NAALADL2: variants seen among roughly 807,000 people sequenced by gnomAD.
NAALADL2 encodes inactive N-acetylated-alpha-linked acidic dipeptidase-like protein 2.
In NAALADL2, 76 loss-of-function variants were observed where a neutral mutation model predicts 87.2. The observed-to-expected ratio is 0.87, with a 90% CI of 0.72 to 1.05. The LOEUF (loss-of-function observed/expected upper bound fraction) is 1.05, where lower values mean the gene tolerates loss of function less well. Ranked by LOEUF, NAALADL2 falls within the 50% of genes least tolerant of loss-of-function variation. NAALADL2 has a pLI of 0.00. For missense variants in NAALADL2, 1,089 were observed against 945.8 expected, an observed-to-expected ratio of 1.15 and a Z score of -1.99; for synonymous variants, 354 against 331.0, an observed-to-expected ratio of 1.07 and a Z score of -0.75.
At chr3:174,981,298 C>T (rs909691139) in intron 1 of NAALADL2, among the ~76,000 whole-genome samples, 15 of 152,126 alleles carry the variant, frequency 9.9e-5, no homozygotes, top group South Asian at 2.1e-4. Flanking sequence ...ATTATAAATA[C>T]GGACATACTC....
At chr3:174,926,153 G>C (rs995542696) in intron 1 of NAALADL2, among the ~76,000 whole-genome samples, 1 of 151,984 alleles carries the variant, frequency 6.6e-6, no homozygotes, top group East Asian at 1.9e-4. Context: ...GAGAAGTTTA[G>C]AGAAAAAAAG....
At chr3:175,233,582 C>T (rs1437266663) in intron 2 of NAALADL2, among the ~76,000 whole-genome samples, 1 of 152,088 alleles carries the variant, frequency 6.6e-6, no homozygotes, top group Non-Finnish European at 1.5e-5. Context: ...GGTGGGACCA[C>T]AGATGCATAC....
intron 1 of NAALADL2, among the ~76,000 whole-genome samples, chr3:174,890,850 C>A (rs1047229883): frequency 1.3e-5 from 2 of 152,108 alleles, no homozygotes; most frequent in East Asian, 1.9e-4. Flanking sequence ...ATATTGATTT[C>A]TTTATTTGTG....
chr3:175,475,195 T>C (rs1425127891), intron 9 of NAALADL2, among the ~76,000 whole-genome samples: 2 of 152,068 alleles, frequency 1.3e-5, no homozygotes, highest in Non-Finnish European at 2.9e-5. Context: ...TAAGACCTAA[T>C]TTCTTGGGGG....
chr3:175,500,246 C>T lies in NAALADL2; in HGVS notation c.1653+28488C>T, dbSNP rs1003989731. Among the ~76,000 whole-genome samples the T allele has an allele frequency of 2.0e-5, 3 of 151,908 alleles. No individual in the cohort carries two copies. The East Asian group carries it at 5.8e-4, about 29-fold the overall frequency. ...TGCCATTAGTGAAGTCTAGATAATC[C>T]AGAATGAGGTATTTTGCAGGGGAGG... On this transcript the variant is annotated intron_variant, in intron 9 of 13. Coordinates refer to ENST00000454872, the MANE Select transcript of NAALADL2 (RefSeq NM_207015.3).
intron 4 of NAALADL2, among the ~76,000 whole-genome samples, chr3:175,308,274 A>C (rs572406476): frequency 6.6e-6 from 1 of 152,244 alleles, no homozygotes; most frequent in Admixed American, 6.5e-5. Flanking sequence ...TTTGCTCAAT[A>C]TCTCTCTAAT....
chr3:175,108,991 G>T (rs1182327312), intron 2 of NAALADL2, among the ~76,000 whole-genome samples: 2 of 151,696 alleles, frequency 1.3e-5, no homozygotes, highest in African/African-American at 4.8e-5. Context: ...TTGCTGCTGG[G>T]TATAACATGT....
chr3:175,218,152 A>G (rs1046597045), intron 2 of NAALADL2: 1 of 438,638 alleles, frequency 2.3e-6, no homozygotes, highest in African/African-American at 2.0e-5. Flanking sequence ...ATAAGCCAAT[A>G]TCTCTAAGAA....
intron 11 of NAALADL2, among the ~76,000 whole-genome samples, chr3:175,682,346 C>G (rs1314430804): frequency 6.6e-6 from 1 of 151,604 alleles, no homozygotes; most frequent in Non-Finnish European, 1.5e-5. Flanking sequence ...TACTTTAAAA[C>G]TTGGGAATAA....
At chr3:174,688,107 A>C (rs1486258153) in intron 2 of NAALADL2, among the ~76,000 whole-genome samples, 1 of 152,156 alleles carries the variant, frequency 6.6e-6, no homozygotes, top group African/African-American at 2.4e-5. Context: ...TAATTTGTAA[A>C]ATTCCTGAAA....
chr3:175,216,863 TA>T (rs1276159505), intron 2 of NAALADL2, among the ~76,000 whole-genome samples: 3 of 151,998 alleles, frequency 2.0e-5, no homozygotes, highest in African/African-American at 4.8e-5. Context: ...GAGATGGTGT[TA>T]AACCATGTTG....
intron 3 of NAALADL2, among the ~76,000 whole-genome samples, chr3:174,789,993 A>G (rs1181571501): frequency 6.6e-6 from 1 of 152,178 alleles, no homozygotes; most frequent in Non-Finnish European, 1.5e-5. Context: ...TCTGTAGCAT[A>G]AGTAAGCCTG....
chr3:174,484,063 T>C (rs1717716529), intron 1 of NAALADL2, among the ~76,000 whole-genome samples: 1 of 152,084 alleles, frequency 6.6e-6, no homozygotes, highest in Non-Finnish European at 1.5e-5. Flanking sequence ...AGAGTAACGA[T>C]TGTCACAGAC....
At chr3:175,158,726 G>A (rs946271909) in intron 2 of NAALADL2, among the ~76,000 whole-genome samples, 4 of 151,834 alleles carry the variant, frequency 2.6e-5, no homozygotes, top group African/African-American at 9.7e-5. Context: ...AGATTTTTCT[G>A]CCAAGAAAAA....
chr3:175,399,325 T>C (rs1291279777), intron 5 of NAALADL2, among the ~76,000 whole-genome samples: 2 of 152,034 alleles, frequency 1.3e-5, no homozygotes, highest in African/African-American at 4.8e-5. Flanking sequence ...ACCTGAAGCA[T>C]GTAGAGGCTA....
At chr3:175,520,135 A>C (rs1025069799) in intron 9 of NAALADL2, among the ~76,000 whole-genome samples, 2 of 152,222 alleles carry the variant, frequency 1.3e-5, no homozygotes, top group Non-Finnish European at 2.9e-5. Flanking sequence ...CTAAATATGA[A>C]ACAACAATGC....
At chr3:174,881,840 A>G (rs1271354292) in intron 1 of NAALADL2, among the ~76,000 whole-genome samples, 2 of 152,162 alleles carry the variant, frequency 1.3e-5, no homozygotes, top group Admixed American at 6.6e-5. Flanking sequence ...AGAGAAATGC[A>G]ATTTCAAAGA....
At chr3:174,992,572 T>C (rs548113937) in intron 1 of NAALADL2, among the ~76,000 whole-genome samples, 14 of 152,288 alleles carry the variant, frequency 9.2e-5, no homozygotes, top group African/African-American at 3.1e-4. Flanking sequence ...TTCAGAGACC[T>C]GATTTTATCA....
At chr3:175,574,742 AT>A (rs1430072261) in intron 9 of NAALADL2, among the ~76,000 whole-genome samples, 1 of 151,972 alleles carries the variant, frequency 6.6e-6, no homozygotes, top group East Asian at 1.9e-4. Flanking sequence ...CTTGGGTCTG[AT>A]TTTATAGTTT....
Sources: allele counts gnomAD v4.1 joint callset (sites outside exome capture counted in the v4.1 genomes callset), GRCh38; gene constraint gnomAD v4.1.1; transcripts MANE v1.5; gene names NCBI Gene and HGNC (gene_info 2026-07-23, HGNC 2026-07-21).